The following TXLNB variants were observed in gnomAD, a reference collection of about 807,000 sequenced individuals.
The protein encoded by TXLNB is taxilin beta, also known as beta-taxilin.
Under a neutral mutation model 57.4 loss-of-function variants are expected in TXLNB, and 37 were observed. The ratio of observed to expected loss-of-function variants is 0.64; its 90% confidence interval spans 0.50 to 0.85. The LOEUF is 0.85. TXLNB is among the 40% of genes least tolerant of loss of function. The pLI is 0.00. For missense variants in TXLNB, 848 were observed against 825.6 expected (o/e 1.03, Z -0.33); for synonymous variants, 302 against 309.6 (o/e 0.98, Z 0.26).
the TXLNB span, among the ~76,000 whole-genome samples, chr6:139,171,319 G>A: frequency 2.0e-5 from 3 of 152,112 alleles, no homozygotes; most frequent in African/African-American, 7.2e-5. Context: ...GTGAAAATTA[G>A]GCCTGAGTAC....
rs529434444 is a variant in TXLNB at position 139,241,935 on chromosome 6, C to T, written c.*591G>A. 1 of 152,038 alleles carries T rather than the reference C, an allele frequency of 6.6e-6. No individual in the cohort carries two copies. The highest frequency in any genetic ancestry group is 2.1e-4 in the South Asian group (1 of 4,820). The allele number at this position is 152,038 out of a possible 1,614,324, so 9.4% of individuals were successfully genotyped here. A position where few individuals can be genotyped will look rare whatever the true frequency, so the allele number is the denominator to read the frequency against. The stretch of plus-strand genomic sequence containing the variant: ...TAAATATTCTGCATTGAGAAAAATG[C>T]ATTAAGGGGTGAGAGAAATGTATGT... On this transcript the variant is annotated 3_prime_UTR_variant, in exon 10 of 10. Transcript: ENST00000358430.
the TXLNB span, among the ~76,000 whole-genome samples, chr6:139,210,503 G>A: frequency 6.6e-6 from 1 of 152,162 alleles, no homozygotes; most frequent in East Asian, 1.9e-4. Context: ...AATGTGGGTG[G>A]AGCCAAGATG....
chr6:139,322,247 G>A, the TXLNB span, among the ~76,000 whole-genome samples: 14 of 151,962 alleles, frequency 9.2e-5, no homozygotes, highest in Admixed American at 3.3e-4. Flanking sequence ...ATTTCACACC[G>A]TCCTGGAGGC....
At chr6:139,221,966 T>C in the TXLNB span, among the ~76,000 whole-genome samples, 3 of 151,934 alleles carry the variant, frequency 2.0e-5, no homozygotes, top group Admixed American at 6.6e-5. Flanking sequence ...TAAGGAAAGA[T>C]TGAATAACTA....
the TXLNB span, among the ~76,000 whole-genome samples, chr6:139,215,168 A>G: frequency 6.6e-5 from 10 of 152,188 alleles, no homozygotes; most frequent in Non-Finnish European, 2.9e-5. Flanking sequence ...CCGCATTGCC[A>G]AGTCAATCCT....
Position 139,278,833 on chromosome 6 carries a change from A to G in TXLNB, c.425-1912T>C, listed in dbSNP as rs148513343. On this transcript the variant is annotated intron_variant, in intron 2 of 9. Coordinates refer to ENST00000358430, the MANE Select transcript of TXLNB (RefSeq NM_153235.4). ...ATCCTGGCCAACATGGTGAAACCCC[A>G]TCTCTACTAAAATACAAAAACTTAG... is the stretch of plus-strand genomic sequence containing the variant. Among the ~76,000 whole-genome samples the G allele has an allele frequency of 8.6e-3, 1,311 of 152,284 alleles. 6 individuals carry two copies. The highest frequency in any genetic ancestry group is 0.017 in the East Asian group (88 of 5,176).
the TXLNB span, among the ~76,000 whole-genome samples, chr6:139,182,018 G>A: frequency 6.6e-6 from 1 of 152,134 alleles, no homozygotes; most frequent in Non-Finnish European, 1.5e-5. Flanking sequence ...AGACTTGATC[G>A]TATGCTTCTT....
the TXLNB span, among the ~76,000 whole-genome samples, chr6:139,165,352 A>C: frequency 0.035 from 5,396 of 152,192 alleles, 111 homozygotes; most frequent in Non-Finnish European, 0.049. Context: ...AGCCTCCCCC[A>C]CTGTGAATAC....
chr6:139,277,405 C>A (rs915180466), intron 2 of TXLNB, among the ~76,000 whole-genome samples: 2 of 152,166 alleles, frequency 1.3e-5, no homozygotes, highest in African/African-American at 2.4e-5. Context: ...GATGAAGTAG[C>A]CTGCCCGTTT....
the TXLNB span, chr6:139,178,300 C>A: frequency 6.6e-6 from 1 of 152,192 alleles, no homozygotes; most frequent in South Asian, 2.1e-4. Flanking sequence ...AAAATACAGC[C>A]TTTGGTTCAG....
chr6:139,322,801 T>C, the TXLNB span, among the ~76,000 whole-genome samples: 6 of 152,232 alleles, frequency 3.9e-5, no homozygotes, highest in African/African-American at 1.2e-4. Context: ...AAAAACACAC[T>C]GCACATTTTC....
At chr6:139,295,550 AATAAC>A (rs1364437183), upstream of TXLNB, among the ~76,000 whole-genome samples, 2 of 151,962 alleles carry the variant, frequency 1.3e-5, no homozygotes, top group Non-Finnish European at 2.9e-5. Context: ...TTCTAGAGGT[AATAAC>A]ATAAAACTGT....
At chr6:139,255,114 G>A (rs1334992743) in intron 7 of TXLNB, among the ~76,000 whole-genome samples, 3 of 152,158 alleles carry the variant, frequency 2.0e-5, no homozygotes, top group Non-Finnish European at 2.9e-5. Context: ...GAGCCACTGC[G>A]CCCGGCCTCA....
At chr6:139,248,212 G>A (rs1257270053) in intron 7 of TXLNB, among the ~76,000 whole-genome samples, 1 of 151,650 alleles carries the variant, frequency 6.6e-6, no homozygotes, top group Non-Finnish European at 1.5e-5. Context: ...GGCGGAGCTT[G>A]CAGTGAGCCG....
At chr6:139,205,944 T>C in the TXLNB span, among the ~76,000 whole-genome samples, 14 of 152,188 alleles carry the variant, frequency 9.2e-5, no homozygotes, top group Admixed American at 9.2e-4. Context: ...AGGTAACGTA[T>C]AAAGGAAAAC....
chr6:139,205,855 T>C, the TXLNB span, among the ~76,000 whole-genome samples: 1 of 152,096 alleles, frequency 6.6e-6, no homozygotes, highest in Non-Finnish European at 1.5e-5. Flanking sequence ...CAGAAGACCA[T>C]CACCAAGGAA....
intron 2 of TXLNB, among the ~76,000 whole-genome samples, chr6:139,278,672 G>A (rs1776962458): frequency 6.6e-6 from 1 of 152,150 alleles, no homozygotes; most frequent in Admixed American, 6.5e-5. Flanking sequence ...ACAGTGTTTG[G>A]CCCATGGCAA....
At chr6:139,167,168 G>T in the TXLNB span, 4 of 1,614,176 alleles carry the variant, frequency 2.5e-6, no homozygotes, top group Non-Finnish European at 3.4e-6. Flanking sequence ...GTTCATTCTG[G>T]CCGCGCTCAG....
the TXLNB span, chr6:139,174,385 G>A: frequency 6.2e-7 from 1 of 1,612,800 alleles, no homozygotes; most frequent in East Asian, 2.2e-5. Flanking sequence ...CTGTGCACAG[G>A]GAGACTCATG....
Sources: allele counts gnomAD v4.1 joint callset (sites outside exome capture counted in the v4.1 genomes callset), GRCh38; gene constraint gnomAD v4.1.1; transcripts MANE v1.5; gene names NCBI Gene and HGNC (gene_info 2026-07-23, HGNC 2026-07-21).